The following SENP7 variants were observed in gnomAD, a reference collection of about 807,000 sequenced individuals.
SENP7 encodes sentrin-specific protease 7.
Under a neutral mutation model 141.2 loss-of-function variants are expected in SENP7, and 64 were observed. The ratio of observed to expected loss-of-function variants is 0.45; its 90% CI spans 0.37 to 0.56. The LOEUF is 0.56. Among genes scored for constraint, SENP7 ranks in the 20% least tolerant of loss-of-function variants. SENP7 has a pLI of 0.00. For synonymous variants in SENP7, 382 were observed against 426.4 expected (o/e 0.90, Z 1.28); for missense variants, 1,025 against 1,212.2 (o/e 0.85, Z 2.29).
At chr3:101,455,045 T>C (rs538152755) in intron 4 of SENP7, among the ~76,000 whole-genome samples, 7 of 152,140 alleles carry the variant, frequency 4.6e-5, no homozygotes, top group African/African-American at 1.2e-4. Flanking sequence ...TAAAAAGTAT[T>C]ACAATCTTTA....
intron 1 of SENP7, among the ~76,000 whole-genome samples, chr3:101,502,231 C>T (rs1288731439): frequency 6.6e-6 from 1 of 152,182 alleles, no homozygotes; most frequent in African/African-American, 2.4e-5. Context: ...AACCTTGTTA[C>T]CAGGTCAGCG....
At position 101,371,991 on chromosome 3, in the gene SENP7, T is replaced by C; in HGVS notation, c.796+17A>G. On this transcript the variant is annotated intron_variant, in intron 7 of 23. Coordinates refer to ENST00000394095, the MANE Select transcript of SENP7 (RefSeq NM_020654.5). ...AGAAAAAATTCAAATTCCAACAGTT[T>C]TCTAAGGTTCACAAACCTTCAGGCT... 1 of 1,182,642 alleles carries C rather than the reference T, an allele frequency of 8.5e-7. No homozygotes were observed. Among genetic ancestry groups the C allele is most frequent in the Non-Finnish European group, 1.2e-6 (1 of 864,832 alleles). The allele number at this position is 1,182,642 out of a possible 1,614,324, so 73.3% of individuals were successfully genotyped here. A position where few individuals can be genotyped will look rare whatever the true frequency, so the allele number is the denominator to read the frequency against.
rs755408230 is a variant in SENP7 at position 101,366,537 on chromosome 3, C to T, written c.1211G>A (p.Gly404Glu). 4.3e-6 allele frequency: 7 copies of T among 1,613,756 alleles called. No individual in the cohort carries two copies. In the Admixed American group the frequency reaches 1.0e-4, roughly 23 times the overall value. The change falls in exon 9 of 24, where the codon GGG (glycine) becomes GAG (glutamate). Residue 404 changes from glycine (G) to glutamate (E), a missense_variant. By Grantham distance (98) the Gly-to-Glu change is moderately conservative (BLOSUM62 -2). Transcript: ENST00000394095. ...ATCCTTCTCAACCAGGGAAGAAATC[C>T]CCACAATATCAATGGAATTAGAGTT... is the stretch of plus-strand genomic sequence containing the variant. ...VENSNSIDIV[G>E]ISSLVEKDEN... is the part of the protein sequence containing the mutation.
At chr3:101,440,581 T>TAAAAA (rs58673443) in intron 4 of SENP7, among the ~76,000 whole-genome samples, 9,083 of 123,994 alleles carry the variant, frequency 0.073, 299 homozygotes, top group Middle Eastern at 0.1. Context: ...AAAAATAAAT[T>TAAAAA]AAAAAAAAAA....
chr3:101,344,605 C>T (rs2059406964), intron 13 of SENP7, among the ~76,000 whole-genome samples: 1 of 152,034 alleles, frequency 6.6e-6, no homozygotes, highest in Non-Finnish European at 1.5e-5. Context: ...AGTTCTAAAC[C>T]CAACTCCTTC....
In SENP7 at chr3:101,416,240, T is replaced by C. The variant is rs939221105; in HGVS notation, c.482+1353A>G. On this transcript the variant is annotated intron_variant, in intron 5 of 23. Coordinates refer to ENST00000394095, the MANE Select transcript of SENP7 (RefSeq NM_020654.5). ...AGCAAAAAACAAATTAGAATCTTAC[T>C]GGGACTCTTTACTTCATATTATATT... 1.2e-4 allele frequency among the ~76,000 whole-genome samples: 18 copies of C among 144,700 alleles called. No individual in the cohort carries two copies. The South Asian group carries it at 3.9e-3, about 32-fold the overall frequency. 94.9% of individuals were successfully genotyped at this position (144,700 alleles called of 152,430 possible).
intron 3 of SENP7, among the ~76,000 whole-genome samples, chr3:101,476,168 G>C (rs779169644): frequency 3.3e-5 from 5 of 152,002 alleles, no homozygotes; most frequent in Non-Finnish European, 7.4e-5. Flanking sequence ...TGTTACATAA[G>C]TATACATGTG....
intron 3 of SENP7, among the ~76,000 whole-genome samples, chr3:101,462,371 G>A (rs1204029226): frequency 2.6e-5 from 4 of 151,808 alleles, no homozygotes; most frequent in African/African-American, 7.3e-5. Flanking sequence ...GAGAAACCCC[G>A]TCTCTACTAA....
chr3:101,389,226 C>T (rs1304675666), intron 6 of SENP7, among the ~76,000 whole-genome samples: 2 of 152,132 alleles, frequency 1.3e-5, no homozygotes. Context: ...CGGCCTTGAA[C>T]TCCTGGGCTC....
chr3:101,485,246 A>G (rs2064677743), intron 3 of SENP7, among the ~76,000 whole-genome samples: 1 of 152,030 alleles, frequency 6.6e-6, no homozygotes. Context: ...GTGCCTCTCT[A>G]TCCTACCATA....
intron 13 of SENP7, among the ~76,000 whole-genome samples, chr3:101,344,189 T>C (rs759725814): frequency 6.6e-6 from 1 of 152,178 alleles, no homozygotes; most frequent in African/African-American, 2.4e-5. Flanking sequence ...ATAGTACTGA[T>C]TGCTATATCT....
At chr3:101,365,634 C>CA (rs1010380283) in intron 9 of SENP7, among the ~76,000 whole-genome samples, 4,015 of 60,954 alleles carry the variant, frequency 0.066, 272 homozygotes, top group Admixed American at 0.17. Flanking sequence ...GACTCTGTCT[C>CA]AAAAAAAAAA....
At chr3:101,383,978 G>A (rs1483384414) in intron 6 of SENP7, among the ~76,000 whole-genome samples, 1 of 152,210 alleles carries the variant, frequency 6.6e-6, no homozygotes, top group Non-Finnish European at 1.5e-5. Flanking sequence ...GCTGCCTATG[G>A]ACCAATAAGC....
chr3:101,455,868 A>T (rs1428936387), intron 4 of SENP7, among the ~76,000 whole-genome samples: 1 of 152,162 alleles, frequency 6.6e-6, no homozygotes, highest in East Asian at 1.9e-4. Context: ...TATCCTAACC[A>T]TCCCATTTCA....
At chr3:101,513,035 C>T (rs2065929960) in intron 1 of SENP7, 56 bp downstream of exon 1, 2 of 1,592,064 alleles carry the variant, frequency 1.3e-6, no homozygotes, top group Admixed American at 1.7e-5. Flanking sequence ...GCCTGCGCCT[C>T]CCGTTTCCCC....
intron 6 of SENP7, among the ~76,000 whole-genome samples, chr3:101,381,475 T>G (rs1287333308): frequency 1.3e-5 from 2 of 152,128 alleles, no homozygotes; most frequent in African/African-American, 4.8e-5. Context: ...CATATCAAAA[T>G]ATTATCAATG....
intron 3 of SENP7, among the ~76,000 whole-genome samples, chr3:101,469,795 T>C (rs1450585875): frequency 3.7e-5 from 3 of 80,350 alleles, no homozygotes; most frequent in South Asian, 4.3e-4. Context: ...CTGCAGTCCG[T>C]AGTCCGGCCT....
intron 8 of SENP7, 104 bp downstream of exon 8, chr3:101,367,726 C>T (rs1424497716): frequency 4.3e-6 from 3 of 703,510 alleles, no homozygotes; most frequent in Non-Finnish European, 6.8e-6. Context: ...AAAGAAATCT[C>T]ATAATAAAAG....
At chr3:101,427,274 A>C (rs1018251095) in intron 4 of SENP7, among the ~76,000 whole-genome samples, 2 of 152,114 alleles carry the variant, frequency 1.3e-5, no homozygotes, top group African/African-American at 4.8e-5. Flanking sequence ...GGATTGCCTG[A>C]GCTCAGGAGT....
Sources: allele counts gnomAD v4.1 joint callset (sites outside exome capture counted in the v4.1 genomes callset), GRCh38; gene constraint gnomAD v4.1.1; transcripts MANE v1.5; gene names NCBI Gene and HGNC (gene_info 2026-07-23, HGNC 2026-07-21).